Variants in AFF1 observed in about 807,000 individuals in gnomAD.
AFF1 encodes ALF transcription elongation factor 1.
Under a neutral mutation model 121.7 loss-of-function variants are expected in AFF1, and 48 were observed. The ratio of observed to expected loss-of-function variants is 0.39; its 90% CI spans 0.31 to 0.50. The LOEUF is 0.50. Among genes scored for constraint, AFF1 ranks in the 20% least tolerant of loss-of-function variants. AFF1 has a pLI of 0.76. For synonymous variants in AFF1, 613 were observed against 563.0 expected, an observed-to-expected ratio of 1.09 and a Z score of -1.26; for missense variants, 1,523 against 1,511.7, an observed-to-expected ratio of 1.01 and a Z score of -0.12.
chr4:87,095,856 G>A (rs367971614), intron 8 of AFF1, among the ~76,000 whole-genome samples: 4 of 152,068 alleles, frequency 2.6e-5, no homozygotes, highest in East Asian at 3.8e-4. Context: ...AAGTGAGGAG[G>A]CCTTCCTCCA....
intron 4 of AFF1, among the ~76,000 whole-genome samples, chr4:87,064,354 T>C (rs1260159159): frequency 6.6e-6 from 1 of 152,160 alleles, no homozygotes; most frequent in Admixed American, 6.5e-5. Flanking sequence ...ACTGATAGAG[T>C]AAGATGGTTT....
chr4:86,953,388 CAG>C (rs1405698929), intron 2 of AFF1, among the ~76,000 whole-genome samples: 2 of 152,184 alleles, frequency 1.3e-5, no homozygotes, highest in African/African-American at 2.4e-5. Flanking sequence ...GCAAAGGAAA[CAG>C]ATGTGTATTG....
At chr4:87,128,458 T>G (rs966614989) in intron 16 of AFF1, among the ~76,000 whole-genome samples, 4 of 152,346 alleles carry the variant, frequency 2.6e-5, no homozygotes, top group Admixed American at 2.6e-4. Flanking sequence ...TGTAGTGAGT[T>G]CCTAAACCTA....
chr4:87,048,907 C>T (rs1730987312), intron 4 of AFF1, among the ~76,000 whole-genome samples: 1 of 152,060 alleles, frequency 6.6e-6, no homozygotes, highest in Admixed American at 6.5e-5. Flanking sequence ...ATTTATTGAA[C>T]ATTTTGTGCT....
Position 87,046,695 on chromosome 4 carries a change from A to G in AFF1, c.160A>G (p.Thr54Ala). Residue 54 changes from threonine to alanine, a missense_variant and splice_region_variant, in exon 4 of 21, where the codon ACA becomes GCA. By Grantham distance (58) the Thr-to-Ala change is moderately conservative. Transcript: ENST00000395146. ...TTCTCAAATTCTCCTTTTTTTTCAG[A>G]CAGCAAAAGGTGATGAGCTGTCTAG... ...KIPLFGEPYK[T>A]AKGDELSSRI... 1 of 1,574,218 alleles carries G rather than the reference A, an allele frequency of 6.4e-7. No homozygotes were observed. The highest frequency in any genetic ancestry group is 1.7e-4 in the Middle Eastern group (1 of 5,852).
At chr4:87,046,400 T>A in intron 3 of AFF1, 114 bp downstream of exon 3, 1 of 1,309,350 alleles carries the variant, frequency 7.6e-7, no homozygotes, top group Non-Finnish European at 1.0e-6. Flanking sequence ...GAAAATAAGA[T>A]AACTTATTCT....
At chr4:87,051,972 A>G (rs1731312000) in intron 4 of AFF1, among the ~76,000 whole-genome samples, 1 of 152,238 alleles carries the variant, frequency 6.6e-6, no homozygotes, top group Non-Finnish European at 1.5e-5. Flanking sequence ...GAGATGAATC[A>G]GAGGAGGCTG....
chr4:87,038,108 T>C (rs761819678), intron 2 of AFF1, among the ~76,000 whole-genome samples: 26 of 152,224 alleles, frequency 1.7e-4, no homozygotes, highest in Non-Finnish European at 3.7e-4. Flanking sequence ...TCGTGCTGTT[T>C]TGTCATTGTA....
At chr4:87,091,279 T>C (rs2149716099) in intron 6 of AFF1, among the ~76,000 whole-genome samples, 1 of 152,216 alleles carries the variant, frequency 6.6e-6, no homozygotes, top group East Asian at 1.9e-4. Context: ...GGCGGGCACC[T>C]GTAGTCCCAG....
chr4:87,127,517 C>T, intron 15 of AFF1, 126 bp from the exon 16 acceptor site: 1 of 831,098 alleles, frequency 1.2e-6, no homozygotes, highest in African/African-American at 1.7e-5. Flanking sequence ...TCCACTTCTC[C>T]TTCTTTGTTT....
At chr4:86,990,431 G>A (rs910068226) in intron 2 of AFF1, among the ~76,000 whole-genome samples, 2 of 151,896 alleles carry the variant, frequency 1.3e-5, no homozygotes, top group African/African-American at 4.8e-5. Context: ...TTTGGTCAGC[G>A]TTGATATCAA....
At chr4:87,083,370 T>C (rs1226900575) in intron 4 of AFF1, among the ~76,000 whole-genome samples, 4 of 152,244 alleles carry the variant, frequency 2.6e-5, no homozygotes, top group Non-Finnish European at 5.9e-5. Context: ...TATGTATATA[T>C]GCATGTATGT....
chr4:87,077,824 G>A (rs2149690758), intron 4 of AFF1, among the ~76,000 whole-genome samples: 1 of 152,172 alleles, frequency 6.6e-6, no homozygotes, highest in Middle Eastern at 3.4e-3. Context: ...ATTCTTTGTT[G>A]TAGTTGCGTA....
chr4:86,993,244 A>G (rs756241026), intron 2 of AFF1, among the ~76,000 whole-genome samples: 12 of 152,222 alleles, frequency 7.9e-5, no homozygotes, highest in Non-Finnish European at 1.5e-4. Flanking sequence ...GCTAGGTATC[A>G]CAGAAAGTGC....
At chr4:86,969,577 T>TTAAA (rs34787191) in intron 2 of AFF1, among the ~76,000 whole-genome samples, 3 of 145,700 alleles carry the variant, frequency 2.1e-5, no homozygotes, top group African/African-American at 7.6e-5. Flanking sequence ...AAATAGTTGT[T>TTAAA]AAAAAAAAAA....
intron 2 of AFF1, among the ~76,000 whole-genome samples, chr4:86,972,028 C>A (rs1360824389): frequency 6.9e-6 from 1 of 145,972 alleles, no homozygotes; most frequent in Non-Finnish European, 1.5e-5. Context: ...GACTCAGCTA[C>A]ATGGGAGGTT....
chr4:87,075,541 C>T (rs1298545759), intron 4 of AFF1, among the ~76,000 whole-genome samples: 2 of 152,166 alleles, frequency 1.3e-5, no homozygotes, highest in African/African-American at 4.8e-5. Context: ...GTACGTACAT[C>T]CTTTCTTTAC....
At chr4:87,002,079 T>C (rs1213541784) in intron 2 of AFF1, among the ~76,000 whole-genome samples, 1 of 151,914 alleles carries the variant, frequency 6.6e-6, no homozygotes. Context: ...TAAGGCAACC[T>C]GTTTAAATTT....
At chr4:86,987,561 G>C (rs914116722) in intron 2 of AFF1, among the ~76,000 whole-genome samples, 1 of 152,152 alleles carries the variant, frequency 6.6e-6, no homozygotes, top group African/African-American at 2.4e-5. Flanking sequence ...GGTGATAACT[G>C]ATTAATACCC....
Sources: allele counts gnomAD v4.1 joint callset (sites outside exome capture counted in the v4.1 genomes callset), GRCh38; gene constraint gnomAD v4.1.1; transcripts MANE v1.5; gene names NCBI Gene and HGNC (gene_info 2026-07-23, HGNC 2026-07-21).